The following RFX3 variants were observed in gnomAD, a reference collection of about 807,000 sequenced individuals.
RFX3 encodes the protein regulatory factor X3.
RFX3 carries 14 observed loss-of-function variants against 98.6 expected under a neutral mutation model. The ratio of observed to expected loss-of-function variants is 0.14; its 90% confidence interval spans 0.09 to 0.22. The LOEUF is 0.22. Among genes scored for constraint, RFX3 ranks in the 10% least tolerant of loss-of-function variants. RFX3 has a pLI of 1.00. For synonymous variants in RFX3, 383 were observed against 328.4 expected (o/e 1.17, Z -1.80); for missense variants, 639 against 926.9 (o/e 0.69, Z 4.03).
chr9:3,251,509 T>C (rs917228593), intron 14 of RFX3, among the ~76,000 whole-genome samples: 1 of 152,054 alleles, frequency 6.6e-6, no homozygotes, highest in Non-Finnish European at 1.5e-5. Flanking sequence ...AATTATTTTA[T>C]TTTGTTAGAG....
rs1403815692 is a variant in RFX3 at position 3,220,097 on chromosome 9, C to T, written c.*4945G>A. 2 of 152,136 alleles carry T rather than the reference C, an allele frequency of 1.3e-5. No homozygotes were observed. The highest frequency in any genetic ancestry group is 2.9e-5 in the Non-Finnish European group (2 of 68,040). 9.4% of individuals were successfully genotyped at this position (152,136 alleles called of 1,614,324 possible). On this transcript the variant is annotated 3_prime_UTR_variant, in exon 17 of 17. Coordinates refer to ENST00000617270, the MANE Select transcript of RFX3 (RefSeq NM_001282116.2). ...TGAGCTTAAAATCAAGTGCTTTGCTCTCCATTCTATCTATATATAATTTTT... is the reference window on the plus strand; with the variant it reads ...TGAGCTTAAAATCAAGTGCTTTGCTTTCCATTCTATCTATATATAATTTTT...
intron 4 of RFX3, among the ~76,000 whole-genome samples, chr9:3,304,066 C>A (rs1828994318): frequency 6.6e-6 from 1 of 151,946 alleles, no homozygotes; most frequent in Admixed American, 6.6e-5. Flanking sequence ...AAGACACCAG[C>A]CTCAGCATGC....
At chr9:3,524,595 A>C in intron 1 of RFX3, 2 of 983,070 alleles carry the variant, frequency 2.0e-6, no homozygotes, top group Non-Finnish European at 2.4e-6. Context: ...AACTGTCACA[A>C]ATAACACTGT....
intron 15 of RFX3, among the ~76,000 whole-genome samples, chr9:3,231,452 C>A (rs540257246): frequency 6.6e-6 from 1 of 152,238 alleles, no homozygotes; most frequent in South Asian, 2.1e-4. Context: ...ACTTGCCAGG[C>A]ACTATGCCAG....
At chr9:3,421,391 C>A (rs1158007751) in intron 1 of RFX3, among the ~76,000 whole-genome samples, 1 of 152,142 alleles carries the variant, frequency 6.6e-6, no homozygotes, top group Non-Finnish European at 1.5e-5. Flanking sequence ...CTAAAATTTA[C>A]AGTAAAATAA....
intron 8 of RFX3, 66 bp downstream of exon 8, chr9:3,277,274 A>C: frequency 1.3e-6 from 2 of 1,539,728 alleles, no homozygotes; most frequent in African/African-American, 1.4e-5. Context: ...TAGACATTGC[A>C]CTTGGAGAAA....
chr9:3,504,943 TAATATAA>T (rs1564185920), intron 1 of RFX3, among the ~76,000 whole-genome samples: 19 of 71,714 alleles, frequency 2.6e-4, no homozygotes, highest in African/African-American at 1.2e-3. Flanking sequence ...ATAATATATA[TAATATAA>T]TATATATTAT....
chr9:3,227,818 T>C (rs1163841683), intron 16 of RFX3, among the ~76,000 whole-genome samples: 1 of 152,172 alleles, frequency 6.6e-6, no homozygotes, highest in Non-Finnish European at 1.5e-5. Context: ...GTAGCAACAA[T>C]TTTTTTGGCT....
chr9:3,520,613 A>G (rs183074570), intron 1 of RFX3, among the ~76,000 whole-genome samples: 2 of 152,350 alleles, frequency 1.3e-5, no homozygotes, highest in Admixed American at 1.3e-4. Flanking sequence ...TTTTCAGATA[A>G]TAAGCCAAAT....
At chr9:3,287,447 A>G (rs1418142362) in intron 7 of RFX3, among the ~76,000 whole-genome samples, 3 of 151,956 alleles carry the variant, frequency 2.0e-5, no homozygotes, top group South Asian at 2.1e-4. Flanking sequence ...GCCCTTAGCT[A>G]TGCAACTTTA....
At chr9:3,440,663 T>C (rs1845536152) in intron 1 of RFX3, among the ~76,000 whole-genome samples, 1 of 152,154 alleles carries the variant, frequency 6.6e-6, no homozygotes, top group Non-Finnish European at 1.5e-5. Flanking sequence ...TCTTGCTAAA[T>C]TCATTTAAAG....
At chr9:3,252,960 C>T (rs1223854334) in intron 14 of RFX3, among the ~76,000 whole-genome samples, 2 of 152,320 alleles carry the variant, frequency 1.3e-5, no homozygotes, top group Non-Finnish European at 2.9e-5. Context: ...CTCCGCTTTA[C>T]ATGCCAAGTA....
chr9:3,424,400 C>T (rs1278932597), intron 1 of RFX3, among the ~76,000 whole-genome samples: 13 of 115,844 alleles, frequency 1.1e-4, no homozygotes, highest in Non-Finnish European at 1.5e-4. Context: ...CTCGCTCTGT[C>T]GCCCAGGCTG....
At chr9:3,256,755 G>A (rs907321688) in intron 14 of RFX3, among the ~76,000 whole-genome samples, 2 of 152,136 alleles carry the variant, frequency 1.3e-5, no homozygotes, top group East Asian at 3.9e-4. Flanking sequence ...GGACATGTAG[G>A]GCTTTGAGCA....
chr9:3,515,183 A>T (rs1444120271), intron 1 of RFX3, among the ~76,000 whole-genome samples: 1 of 152,224 alleles, frequency 6.6e-6, no homozygotes, highest in Non-Finnish European at 1.5e-5. Context: ...TTGCTTATGA[A>T]CTAGATTTTC....
intron 1 of RFX3, among the ~76,000 whole-genome samples, chr9:3,404,535 G>A (rs1294295658): frequency 6.6e-6 from 1 of 151,928 alleles, no homozygotes; most frequent in East Asian, 1.9e-4. Context: ...GCATTTTCTT[G>A]CCTCCAGAAA....
At chr9:3,358,164 A>C (rs938640838) in intron 2 of RFX3, among the ~76,000 whole-genome samples, 1 of 152,162 alleles carries the variant, frequency 6.6e-6, no homozygotes, top group Non-Finnish European at 1.5e-5. Context: ...AATGATATCT[A>C]ATCTATCAAA....
chr9:3,471,832 T>G (rs1425761375), intron 1 of RFX3, among the ~76,000 whole-genome samples: 1 of 152,246 alleles, frequency 6.6e-6, no homozygotes, highest in African/African-American at 2.4e-5. Context: ...TAGAATTCTG[T>G]CTTCACTTCT....
At chr9:3,419,903 C>G (rs1441705546) in intron 1 of RFX3, among the ~76,000 whole-genome samples, 1 of 152,178 alleles carries the variant, frequency 6.6e-6, no homozygotes, top group Non-Finnish European at 1.5e-5. Flanking sequence ...AGATGCAGAA[C>G]TGGCTCACAT....
Sources: allele counts gnomAD v4.1 joint callset (sites outside exome capture counted in the v4.1 genomes callset), GRCh38; gene constraint gnomAD v4.1.1; transcripts MANE v1.5; gene names NCBI Gene and HGNC (gene_info 2026-07-23, HGNC 2026-07-21).